Variants in UGT8 observed in about 807,000 individuals in gnomAD.
UGT8 encodes the protein 2-hydroxyacylsphingosine 1-beta-galactosyltransferase.
A neutral mutation model predicts 40.5 loss-of-function variants in UGT8; 12 were observed. The ratio of observed to expected loss-of-function variants is 0.30; its 90% CI spans 0.19 to 0.48. The LOEUF is 0.48. Ranked by LOEUF, UGT8 falls within the 20% of genes least tolerant of loss-of-function variation. The probability of loss-of-function intolerance (pLI) is 0.99; values close to 1 mark genes in which losing one functional copy is unlikely to be tolerated. For synonymous variants in UGT8, 224 were observed against 240.4 expected (o/e 0.93, Z 0.63); for missense variants, 513 against 648.7 (o/e 0.79, Z 2.27).
intron 2 of UGT8, among the ~76,000 whole-genome samples, chr4:114,646,381 ATATC>A (rs931640357): frequency 6.6e-6 from 1 of 151,812 alleles, no homozygotes; most frequent in Non-Finnish European, 1.5e-5. Flanking sequence ...ATCTATATCT[ATATC>A]TATATATATA....
At chr4:114,639,848 C>T (rs1733100026) in intron 2 of UGT8, among the ~76,000 whole-genome samples, 1 of 152,158 alleles carries the variant, frequency 6.6e-6, no homozygotes, top group Non-Finnish European at 1.5e-5. Flanking sequence ...CTTCCTGAAA[C>T]AGAGCTTGCC....
intron 1 of UGT8, among the ~76,000 whole-genome samples, chr4:114,618,453 A>G (rs560789682): frequency 6.6e-6 from 1 of 152,272 alleles, no homozygotes; most frequent in Admixed American, 6.5e-5. Flanking sequence ...CAGTCATTCC[A>G]CTGTAGCCCT....
intron 1 of UGT8, among the ~76,000 whole-genome samples, chr4:114,607,881 A>G (rs945563521): frequency 2.6e-5 from 4 of 151,972 alleles, no homozygotes; most frequent in African/African-American, 9.7e-5. Flanking sequence ...TAAATGACTC[A>G]TTTTCACCAT....
intron 1 of UGT8, among the ~76,000 whole-genome samples, chr4:114,601,943 G>T (rs1460572841): frequency 6.6e-6 from 1 of 151,668 alleles, no homozygotes. Flanking sequence ...TCCATCAAAT[G>T]ATGTGGGCTA....
At chr4:114,607,378 C>T (rs570095209) in intron 1 of UGT8, among the ~76,000 whole-genome samples, 1 of 152,246 alleles carries the variant, frequency 6.6e-6, no homozygotes, top group African/African-American at 2.4e-5. Flanking sequence ...CAGTAATCTC[C>T]TCCTTTGCTC....
chr4:114,663,636 T>C (rs1359796197), intron 2 of UGT8: 7 of 964,592 alleles, frequency 7.3e-6, no homozygotes, highest in African/African-American at 5.3e-5. Flanking sequence ...ATTTTTCATA[T>C]GTTTAATCCA....
intron 2 of UGT8, among the ~76,000 whole-genome samples, chr4:114,659,094 A>G (rs983277108): frequency 6.6e-6 from 1 of 152,180 alleles, no homozygotes; most frequent in Non-Finnish European, 1.5e-5. Context: ...TTACTCTAGG[A>G]TAAGAAATCT....
At chr4:114,606,958 A>G (rs1161770833) in intron 1 of UGT8, among the ~76,000 whole-genome samples, 1 of 152,192 alleles carries the variant, frequency 6.6e-6, no homozygotes, top group Non-Finnish European at 1.5e-5. Flanking sequence ...TTGCCAGGGC[A>G]GGGCTGAAGT....
chr4:114,664,017 G>A lies in UGT8; in HGVS notation c.845G>A (p.Gly282Asp). The A allele has an allele frequency of 6.2e-7, 1 of 1,613,958 alleles. No individual in the cohort carries two copies. The highest frequency in any genetic ancestry group is 8.5e-7 in the Non-Finnish European group (1 of 1,179,942). ...LPEDLQRWVN[G>D]ANEHGFVLVS... ...CAGGATCTCCAAAGATGGGTAAATGGTGCTAATGAACATGGCTTTGTCTTG... is the reference window on the plus strand; with the variant it reads ...CAGGATCTCCAAAGATGGGTAAATGATGCTAATGAACATGGCTTTGTCTTG... The change falls in exon 3 of 6, where the codon GGT (glycine) becomes GAT (aspartate). Residue 282 changes from glycine (G) to aspartate (D), a missense_variant. Physicochemically the swap from Gly to Asp is moderately conservative, Grantham distance 94. Around this residue, in one of 3 missense-constraint regions of UGT8, gnomAD observed 335 missense variants for 444.8 expected, o/e 0.75. Transcript: ENST00000310836.
intron 2 of UGT8, among the ~76,000 whole-genome samples, chr4:114,655,427 G>A (rs1734125545): frequency 6.6e-6 from 1 of 152,052 alleles, no homozygotes; most frequent in Non-Finnish European, 1.5e-5. Context: ...GCTTATTCTA[G>A]GTGGTGGTGT....
intron 1 of UGT8, among the ~76,000 whole-genome samples, chr4:114,618,193 G>C (rs534157732): frequency 1.3e-4 from 20 of 152,220 alleles, no homozygotes; most frequent in African/African-American, 4.8e-4. Flanking sequence ...TTAATCTACT[G>C]TTGGCTTTAT....
At chr4:114,652,293 A>G (rs1226000843) in intron 2 of UGT8, among the ~76,000 whole-genome samples, 1 of 152,094 alleles carries the variant, frequency 6.6e-6, no homozygotes. Context: ...AAGGGAATGT[A>G]GAACCATGTA....
intron 2 of UGT8, among the ~76,000 whole-genome samples, chr4:114,625,153 A>G (rs1732118872): frequency 6.6e-6 from 1 of 152,122 alleles, no homozygotes; most frequent in Non-Finnish European, 1.5e-5. Context: ...CCCTTCTGCC[A>G]GCTCCCTTTG....
intron 1 of UGT8, among the ~76,000 whole-genome samples, chr4:114,603,648 A>AC (rs1283039292): frequency 6.6e-6 from 1 of 152,012 alleles, no homozygotes; most frequent in Non-Finnish European, 1.5e-5. Context: ...CTCGGTTCCC[A>AC]CCCCCTCTCG....
chr4:114,619,943 T>C (rs1731680543), intron 1 of UGT8, among the ~76,000 whole-genome samples: 1 of 151,440 alleles, frequency 6.6e-6, no homozygotes, highest in Admixed American at 6.6e-5. Context: ...TTCAGGTTTC[T>C]TTAATATAAA....
At chr4:114,659,142 C>T (rs946341689) in intron 2 of UGT8, among the ~76,000 whole-genome samples, 5 of 152,090 alleles carry the variant, frequency 3.3e-5, no homozygotes, top group African/African-American at 1.2e-4. Context: ...ATCCGGATCA[C>T]GATCATTAAA....
chr4:114,675,123 T>C (rs532048960), intron 5 of UGT8, among the ~76,000 whole-genome samples: 20 of 152,166 alleles, frequency 1.3e-4, no homozygotes, highest in Non-Finnish European at 2.9e-4. Context: ...TTTAATAATA[T>C]ATCTTCACCC....
In UGT8 at chr4:114,633,181, T is replaced by G. The variant is rs72899442; in HGVS notation, c.822+9479T>G. On this transcript the variant is annotated intron_variant, in intron 2 of 5. Coordinates refer to ENST00000310836, the MANE Select transcript of UGT8 (RefSeq NM_001128174.3). ...GTGCAGATTTATTGGGTACCTAATA[T>G]GTGCCAGGCACTGAGCTAGCAATGT... 3.6e-3 allele frequency among the ~76,000 whole-genome samples: 554 copies of G among 152,366 alleles called. 1 individual carries two copies. Among genetic ancestry groups the G allele is most frequent in the African/African-American group, 0.013 (530 of 41,586 alleles).
At chr4:114,621,139 C>T (rs1332416742) in intron 1 of UGT8, among the ~76,000 whole-genome samples, 2 of 152,130 alleles carry the variant, frequency 1.3e-5, no homozygotes, top group African/African-American at 4.8e-5. Context: ...CTTTATTACA[C>T]ATATCTGTTA....
Sources: gnomAD v4.1 joint callset for allele counts (sites outside exome capture counted in the v4.1 genomes callset) on GRCh38, gnomAD v4.1.1 for gene constraint, gnomAD v4.1.1 regional missense constraint, MANE v1.5 for transcripts, NCBI Gene and HGNC (gene_info 2026-07-23, HGNC 2026-07-21) for gene names.